PDXDC1: variants seen among roughly 807,000 people sequenced by gnomAD.
The protein encoded by PDXDC1 is pyridoxal dependent decarboxylase domain containing 1.
PDXDC1 carries 42 observed loss-of-function variants against 100.1 expected under a neutral mutation model. That is an observed-to-expected ratio of 0.42 (90% CI 0.33 to 0.54). The LOEUF (loss-of-function observed/expected upper bound fraction) is 0.54. PDXDC1 is among the 20% of genes least tolerant of loss of function. PDXDC1 has a pLI of 0.10. For synonymous variants in PDXDC1, 260 were observed against 371.7 expected (o/e 0.70, Z 3.46); for missense variants, 636 against 979.2 (o/e 0.65, Z 4.68).
At chr16:15,064,363 C>T (rs1011795097) in intron 16 of PDXDC1, among the ~76,000 whole-genome samples, 1 of 152,114 alleles carries the variant, frequency 6.6e-6, no homozygotes, top group Non-Finnish European at 1.5e-5. Flanking sequence ...TTAGTAAAGA[C>T]AGCGTTTCAC....
chr16:15,149,172 C>A, the PDXDC1 span, among the ~76,000 whole-genome samples: 1 of 152,168 alleles, frequency 6.6e-6, no homozygotes, highest in South Asian at 2.1e-4. Context: ...GCCCCCGAGT[C>A]ACCTTGCCCC....
At chr16:15,148,920 AT>A in the PDXDC1 span, among the ~76,000 whole-genome samples, 1 of 151,934 alleles carries the variant, frequency 6.6e-6, no homozygotes, top group African/African-American at 2.4e-5. Context: ...TCTTGTCCAC[AT>A]TTTTGTCCAC....
At position 15,076,490 on chromosome 16, in the gene PDXDC1, G is replaced by A. The variant is rs774182377; in HGVS notation, c.1399+46434G>A. The A allele has an allele frequency of 1.3e-5, 13 of 1,032,110 alleles. No individual in the cohort carries two copies. In the African/African-American group the frequency reaches 1.7e-4, roughly 14 times the overall value. 63.9% of individuals were successfully genotyped at this position (1,032,110 alleles called of 1,614,324 possible). On this transcript the variant is annotated intron_variant, in intron 16 of 16. Transcript: ENST00000535621. ...TTCAATCTAAAGCCTTAACAAAGATGAGCAGCACTAGCTGTTTCCACCCTT... is the reference window on the plus strand; with the variant it reads ...TTCAATCTAAAGCCTTAACAAAGATAAGCAGCACTAGCTGTTTCCACCCTT...
intron 16 of PDXDC1, chr16:15,086,279 T>C (rs1238776346): frequency 1.9e-6 from 3 of 1,569,394 alleles, no homozygotes; most frequent in South Asian, 1.2e-5. Flanking sequence ...GGAAGAAAGA[T>C]AAAAGCAGCA....
At chr16:15,094,316 G>C (rs1422470572) in intron 16 of PDXDC1, 66 of 1,262,322 alleles carry the variant, frequency 5.2e-5, no homozygotes, top group Non-Finnish European at 6.9e-5. Flanking sequence ...GAAGTTGCGC[G>C]TGCCAGCGCA....
chr16:15,004,826 C>T (rs1455561846), intron 5 of PDXDC1, among the ~76,000 whole-genome samples: 2 of 152,266 alleles, frequency 1.3e-5, no homozygotes, highest in African/African-American at 2.4e-5. Context: ...ATACTTTAAT[C>T]TCTTGATTAC....
chr16:15,124,509 T>C (rs2151898828), intron 16 of PDXDC1, among the ~76,000 whole-genome samples: 1 of 151,978 alleles, frequency 6.6e-6, no homozygotes, highest in African/African-American at 2.4e-5. Flanking sequence ...GGGTGGTGGC[T>C]CACGCCTGTA....
At chr16:15,030,544 CAAAAAAAAAAAA>C (rs1156634836) in intron 16 of PDXDC1, among the ~76,000 whole-genome samples, 9 of 38,388 alleles carry the variant, frequency 2.3e-4, no homozygotes, top group East Asian at 1.1e-3. Context: ...GACTCCATCT[CAAAAAAAAAAAA>C]AAAAAAAAAA....
intron 16 of PDXDC1, chr16:15,127,977 G>A (rs751618078): frequency 6.3e-7 from 1 of 1,578,768 alleles, no homozygotes; most frequent in African/African-American, 1.3e-5. Context: ...GTGGGAACAT[G>A]GAACGAGGCC....
At chr16:14,981,194 T>C (rs1450291692) in intron 1 of PDXDC1, among the ~76,000 whole-genome samples, 1 of 152,300 alleles carries the variant, frequency 6.6e-6, no homozygotes, top group Non-Finnish European at 1.5e-5. Context: ...GTAAATATAA[T>C]GCAAACCTTT....
At chr16:15,090,385 T>C (rs2046084010) in intron 16 of PDXDC1, among the ~76,000 whole-genome samples, 1 of 152,236 alleles carries the variant, frequency 6.6e-6, no homozygotes, top group Admixed American at 6.5e-5. Context: ...AGTCAGAGAC[T>C]GTTCTAAGTG....
intron 16 of PDXDC1, chr16:15,130,400 C>A (rs551350000): frequency 5.8e-5 from 91 of 1,578,932 alleles, no homozygotes; most frequent in Non-Finnish European, 7.5e-5. Context: ...CCAGCGCCGA[C>A]AGGCGGAAGT....
intron 16 of PDXDC1, among the ~76,000 whole-genome samples, chr16:15,111,778 AAT>A (rs1387339493): frequency 1.3e-5 from 2 of 148,324 alleles, no homozygotes; most frequent in Non-Finnish European, 3.0e-5. Flanking sequence ...AAAAAAAAAA[AAT>A]GACATGAATA....
intron 16 of PDXDC1, among the ~76,000 whole-genome samples, chr16:15,088,855 G>A (rs536677224): frequency 2.6e-5 from 4 of 152,192 alleles, no homozygotes. Context: ...AGAGAGATCT[G>A]GAAGTGTGGG....
intron 16 of PDXDC1, chr16:15,068,322 G>C: frequency 1.9e-6 from 3 of 1,544,364 alleles, no homozygotes; most frequent in Non-Finnish European, 2.6e-6. Flanking sequence ...GTACAAATAA[G>C]TGAAAAGTGT....
chr16:15,079,200 T>C (rs2045595502), intron 16 of PDXDC1, among the ~76,000 whole-genome samples: 1 of 152,148 alleles, frequency 6.6e-6, no homozygotes, highest in Admixed American at 6.5e-5. Flanking sequence ...CCTTACTGTC[T>C]GCCTCCCCTC....
intron 16 of PDXDC1, among the ~76,000 whole-genome samples, chr16:15,081,822 T>C (rs2045716508): frequency 6.6e-6 from 1 of 152,240 alleles, no homozygotes; most frequent in African/African-American, 2.4e-5. Flanking sequence ...AGGGCTTTTA[T>C]TGAGTTCATT....
At chr16:15,111,149 C>CACACAA (rs1356821628) in intron 16 of PDXDC1, among the ~76,000 whole-genome samples, 1 of 146,380 alleles carries the variant, frequency 6.8e-6, no homozygotes, top group Non-Finnish European at 1.5e-5. Flanking sequence ...CACACACACA[C>CACACAA]ACACACAAAA....
At chr16:15,126,275 G>T (rs1300385506) in intron 16 of PDXDC1, among the ~76,000 whole-genome samples, 1 of 137,112 alleles carries the variant, frequency 7.3e-6, no homozygotes, top group African/African-American at 2.6e-5. Context: ...GACCTCAAGT[G>T]ATCTGCCCGC....
Sources: gnomAD v4.1 joint callset for allele counts (sites outside exome capture counted in the v4.1 genomes callset) on GRCh38, gnomAD v4.1.1 for gene constraint, MANE v1.5 for transcripts, NCBI Gene and HGNC (gene_info 2026-07-23, HGNC 2026-07-21) for gene names.